ROR1: variants seen among roughly 807,000 people sequenced by gnomAD.
The protein encoded by ROR1 is inactive tyrosine-protein kinase transmembrane receptor ROR1.
A neutral mutation model predicts 78.8 loss-of-function variants in ROR1; 19 were observed. That is an observed-to-expected ratio of 0.24 (90% CI 0.17 to 0.35). The LOEUF (loss-of-function observed/expected upper bound fraction) is 0.35, where lower values mean the gene tolerates loss of function less well. Ranked by LOEUF, ROR1 falls within the 10% of genes least tolerant of loss-of-function variation. ROR1 has a pLI of 1.00. For missense variants in ROR1, 917 were observed against 1,177.8 expected (o/e 0.78, Z 3.24); for synonymous variants, 386 against 433.6 (o/e 0.89, Z 1.36).
At chr1:64,023,773 A>G (rs953825106) in intron 2 of ROR1, among the ~76,000 whole-genome samples, 2 of 152,194 alleles carry the variant, frequency 1.3e-5, no homozygotes, top group Non-Finnish European at 2.9e-5. Flanking sequence ...TTTCTGTGTC[A>G]TTAAATATTT....
chr1:64,179,024 GAAAAAAAA>G lies in ROR1; in HGVS notation c.*184_*191del. 6.4e-6 allele frequency: 1 copy of G among 156,916 alleles called. No individual in the cohort carries two copies. The highest frequency in any genetic ancestry group is 1.1e-5 in the Non-Finnish European group (1 of 88,016). 9.7% of individuals were successfully genotyped at this position (156,916 alleles called of 1,614,324 possible). ...ACCAAGCAGGACAGACACTCGGCCA[GAAAAAAAA>G]AAAAAAAAAAAAAACAAGCAAACAA... On this transcript the variant is annotated 3_prime_UTR_variant, in exon 9 of 9. Coordinates refer to ENST00000371079, the MANE Select transcript of ROR1 (RefSeq NM_005012.4).
At chr1:63,859,372 T>C (rs1394896362) in intron 1 of ROR1, among the ~76,000 whole-genome samples, 1 of 152,218 alleles carries the variant, frequency 6.6e-6, no homozygotes, top group Admixed American at 6.5e-5. Context: ...AATGAAAATA[T>C]GTACCTCCCT....
chr1:63,945,913 T>C (rs1327972839), intron 1 of ROR1, among the ~76,000 whole-genome samples: 1 of 152,234 alleles, frequency 6.6e-6, no homozygotes, highest in Non-Finnish European at 1.5e-5. Flanking sequence ...CCCTCTACTT[T>C]GGAGAACTGG....
intron 1 of ROR1, among the ~76,000 whole-genome samples, chr1:63,814,956 A>G (rs1432535106): frequency 6.6e-6 from 1 of 152,048 alleles, no homozygotes; most frequent in African/African-American, 2.4e-5. Context: ...ATTCCCTCCT[A>G]TTCCGCTAGG....
At chr1:64,144,388 A>G (rs1449024937) in intron 7 of ROR1, among the ~76,000 whole-genome samples, 1 of 152,236 alleles carries the variant, frequency 6.6e-6, no homozygotes, top group African/African-American at 2.4e-5. Context: ...TACAGATGGC[A>G]TGTAAGGCCA....
chr1:63,955,988 G>A (rs1557581483), intron 1 of ROR1, among the ~76,000 whole-genome samples: 1 of 152,164 alleles, frequency 6.6e-6, no homozygotes, highest in Non-Finnish European at 1.5e-5. Flanking sequence ...GGCAGCTGCA[G>A]CACTCCCTGC....
At chr1:63,788,925 A>T in intron 1 of ROR1, 1 of 836,188 alleles carries the variant, frequency 1.2e-6, no homozygotes, top group Non-Finnish European at 2.0e-6. Flanking sequence ...GTTCCCCTTA[A>T]CCTTCAGGTA....
intron 1 of ROR1, among the ~76,000 whole-genome samples, chr1:63,833,516 G>A (rs1298706433): frequency 6.6e-6 from 1 of 152,180 alleles, no homozygotes; most frequent in Non-Finnish European, 1.5e-5. Context: ...AGCTCCCAGG[G>A]CCCAGGGTTC....
chr1:64,109,958 C>A (rs1179317866), intron 4 of ROR1, among the ~76,000 whole-genome samples: 1 of 152,114 alleles, frequency 6.6e-6, no homozygotes, highest in Non-Finnish European at 1.5e-5. Flanking sequence ...AGAGCTAACC[C>A]TGTCAATTTA....
intron 1 of ROR1, among the ~76,000 whole-genome samples, chr1:64,003,044 CTG>C (rs964784508): frequency 2.0e-5 from 3 of 152,088 alleles, no homozygotes; most frequent in African/African-American, 7.2e-5. Context: ...GATTGGGCAG[CTG>C]CCTTCATTCT....
At position 64,178,804 on chromosome 1, in the gene ROR1, A is replaced by T. The variant is rs1214600858; in HGVS notation, c.2763A>T (p.Gly921=). The T allele has an allele frequency of 6.2e-7, 1 of 1,614,082 alleles. No individual in the cohort carries two copies. Among genetic ancestry groups the T allele is most frequent in the African/African-American group, 1.3e-5 (1 of 74,922 alleles). ...ACTCAAAGCAAGCATCTTTACTAGG[A>T]GACGCCAATATTCATGGACACACCG... is the stretch of plus-strand genomic sequence containing the variant. The part of the protein sequence containing the change: ...KIDSKQASLL[G]DANIHGHTES... The change falls in exon 9 of 9, where the codon GGA becomes GGT. Residue 921 remains glycine, a synonymous_variant. Transcript: ENST00000371079. The surrounding 1 kb of genome is among the most constrained non-coding windows in gnomAD (Gnocchi z 4.3).
chr1:63,809,892 T>A (rs570769840), intron 1 of ROR1, among the ~76,000 whole-genome samples: 18 of 152,216 alleles, frequency 1.2e-4, no homozygotes, highest in Non-Finnish European at 2.2e-4. Flanking sequence ...ATTGACATGT[T>A]GGCAAAGAAG....
chr1:63,992,539 G>T (rs755226199), intron 1 of ROR1, among the ~76,000 whole-genome samples: 1 of 152,144 alleles, frequency 6.6e-6, no homozygotes, highest in Non-Finnish European at 1.5e-5. Context: ...TCTGCTCAGG[G>T]TATTTGTGCT....
chr1:64,014,166 A>G (rs1215606048), intron 2 of ROR1, among the ~76,000 whole-genome samples: 1 of 152,130 alleles, frequency 6.6e-6, no homozygotes, highest in Non-Finnish European at 1.5e-5. Flanking sequence ...CACGTGGAGA[A>G]GCAGTAAAAT....
intron 4 of ROR1, among the ~76,000 whole-genome samples, chr1:64,074,998 C>G (rs1023311821): frequency 6.6e-6 from 1 of 152,038 alleles, no homozygotes. Context: ...TTAGTGTTCC[C>G]GAGGCACTGT....
At chr1:64,075,049 A>G (rs1201414812) in intron 4 of ROR1, among the ~76,000 whole-genome samples, 6 of 152,306 alleles carry the variant, frequency 3.9e-5, no homozygotes, top group African/African-American at 1.4e-4. Flanking sequence ...AATCCTCCCA[A>G]TAGCCAGTGC....
In ROR1 at chr1:63,903,944, G is replaced by C. The variant is rs140576960; in HGVS notation, c.92-105361G>C. ...GTAAAACCAAACAATACAAGGGAGA[G>C]ACCTCTGCTTAGGAAAGGTTTTATG... On this transcript the variant is annotated intron_variant, in intron 1 of 8. Transcript: ENST00000371079. Among the ~76,000 whole-genome samples, 7 of 152,226 alleles carry C rather than the reference G, an allele frequency of 4.6e-5. No homozygotes were observed. In the East Asian group the frequency reaches 1.4e-3, roughly 29 times the overall value.
Position 64,137,401 on chromosome 1 carries a change from C to A in ROR1, c.515C>A (p.Pro172Gln). ...TATGAAGAAGATGGATTCTGTCAGC[C>A]ATACAGAGGGATTGCATGTGCAAGA... is the stretch of plus-strand genomic sequence containing the variant. ...DEYEEDGFCQ[P>Q]YRGIACARFI... Residue 172 changes from proline (P) to glutamine (Q), a missense_variant, in exon 5 of 9, where the codon CCA becomes CAA. By Grantham distance (76) the Pro-to-Gln change is moderately conservative (BLOSUM62 -1). Around this residue, in one of 3 missense-constraint regions of ROR1, gnomAD observed 835 missense variants for 1,069.8 expected, o/e 0.78. Coordinates refer to ENST00000371079, the MANE Select transcript of ROR1 (RefSeq NM_005012.4). 1 of 1,613,864 alleles carries A rather than the reference C, an allele frequency of 6.2e-7. No homozygotes were observed. Among genetic ancestry groups the A allele is most frequent in the East Asian group, 2.2e-5 (1 of 44,882 alleles).
chr1:64,164,527 T>C (rs967449405), intron 8 of ROR1, among the ~76,000 whole-genome samples: 4 of 152,248 alleles, frequency 2.6e-5, no homozygotes, highest in South Asian at 4.1e-4. Flanking sequence ...TGAGATAGCA[T>C]GTCTGGCACC....
Sources: allele counts gnomAD v4.1 joint callset (sites outside exome capture counted in the v4.1 genomes callset), GRCh38; gene constraint gnomAD v4.1.1; regional missense constraint gnomAD v4.1.1; non-coding constraint Gnocchi (gnomAD v3.1); transcripts MANE v1.5; gene names NCBI Gene and HGNC (gene_info 2026-07-23, HGNC 2026-07-21).